RGL1: variants seen among roughly 807,000 people sequenced by gnomAD.
The protein encoded by RGL1 is ral guanine nucleotide dissociation stimulator like 1.
RGL1 carries 24 observed loss-of-function variants against 95.2 expected under a neutral mutation model. The observed-to-expected ratio is 0.25, with a 90% CI of 0.18 to 0.35. The LOEUF (loss-of-function observed/expected upper bound fraction) is 0.35. Among genes scored for constraint, RGL1 ranks in the 10% least tolerant of loss-of-function variants. The pLI is 1.00. For missense variants in RGL1, 715 were observed against 936.3 expected, an observed-to-expected ratio of 0.76 and a Z score of 3.08; for synonymous variants, 329 against 344.9, an observed-to-expected ratio of 0.95 and a Z score of 0.51.
intron 3 of RGL1, among the ~76,000 whole-genome samples, chr1:183,865,700 C>T (rs569718729): frequency 1.3e-5 from 2 of 152,198 alleles, no homozygotes; most frequent in East Asian, 3.9e-4. Flanking sequence ...AGCCGATTCT[C>T]CTGCTGATAG....
At chr1:183,822,373 G>T (rs982853875) in intron 2 of RGL1, among the ~76,000 whole-genome samples, 15 of 151,910 alleles carry the variant, frequency 9.9e-5, no homozygotes, top group Non-Finnish European at 4.4e-5. Flanking sequence ...GAAACTTGTA[G>T]ACTTAGATAG....
upstream of RGL1, among the ~76,000 whole-genome samples, chr1:183,803,124 G>A (rs1261668347): frequency 6.6e-6 from 1 of 152,116 alleles, no homozygotes; most frequent in African/African-American, 2.4e-5. Flanking sequence ...TACATTGTGA[G>A]GTGTAAATAC....
chr1:183,847,278 A>G (rs1664506051), intron 2 of RGL1, among the ~76,000 whole-genome samples: 1 of 152,082 alleles, frequency 6.6e-6, no homozygotes, highest in Non-Finnish European at 1.5e-5. Context: ...GCGAGACACT[A>G]TCTCTACCAA....
At chr1:183,841,266 T>A (rs1341868858) in intron 2 of RGL1, among the ~76,000 whole-genome samples, 1 of 152,112 alleles carries the variant, frequency 6.6e-6, no homozygotes, top group Admixed American at 6.6e-5. Context: ...TTCAGATAAA[T>A]AACAAATAGG....
At chr1:183,642,446 C>T (rs915820549) in intron 1 of RGL1, among the ~76,000 whole-genome samples, 1 of 152,178 alleles carries the variant, frequency 6.6e-6, no homozygotes, top group Non-Finnish European at 1.5e-5. Context: ...TGCATTTAAT[C>T]ACCACTCTCT....
At chr1:183,653,523 A>G (rs1174660) in intron 1 of RGL1, among the ~76,000 whole-genome samples, 45,726 of 152,134 alleles carry the variant, frequency 0.3, 7,278 homozygotes, top group Middle Eastern at 0.38. Context: ...TCAAGTTCTG[A>G]GGGCCTGCTC....
chr1:183,913,563 A>G (rs897400572), intron 15 of RGL1, among the ~76,000 whole-genome samples: 9 of 152,320 alleles, frequency 5.9e-5, no homozygotes, highest in African/African-American at 2.2e-4. Context: ...GTCAACTATG[A>G]CATAACTAGA....
chr1:183,729,892 T>G (rs1656529145), intron 1 of RGL1, among the ~76,000 whole-genome samples: 1 of 152,132 alleles, frequency 6.6e-6, no homozygotes, highest in African/African-American at 2.4e-5. Flanking sequence ...ATATTCAATA[T>G]AAACCTCTAG....
chr1:183,742,918 T>A (rs1558183322), intron 2 of RGL1, among the ~76,000 whole-genome samples: 1 of 152,076 alleles, frequency 6.6e-6, no homozygotes, highest in Non-Finnish European at 1.5e-5. Context: ...GAGAATGGAG[T>A]TATTAACCAG....
At chr1:183,811,286 A>G (rs61660597) in intron 2 of RGL1, among the ~76,000 whole-genome samples, 17,253 of 152,214 alleles carry the variant, frequency 0.11, 1,564 homozygotes, top group East Asian at 0.43. Flanking sequence ...TTGCTGCTGA[A>G]TGTTGAAGAA....
intron 2 of RGL1, among the ~76,000 whole-genome samples, chr1:183,766,792 A>T (rs990229226): frequency 1.4e-5 from 2 of 148,074 alleles, no homozygotes; most frequent in South Asian, 4.3e-4. Context: ...GTGCTCTATC[A>T]TTTTTTTTTT....
intron 1 of RGL1, among the ~76,000 whole-genome samples, chr1:183,707,765 C>T (rs529792502): frequency 4.6e-5 from 7 of 151,150 alleles, no homozygotes; most frequent in Admixed American, 2.6e-4. Flanking sequence ...GGGAAGATGG[C>T]GGCTGAGAAG....
chr1:183,824,331 A>T (rs906778897), intron 2 of RGL1, among the ~76,000 whole-genome samples: 1 of 152,006 alleles, frequency 6.6e-6, no homozygotes, highest in South Asian at 2.1e-4. Context: ...CAGGTTATTT[A>T]TCCGGCCCTG....
chr1:183,702,866 G>T (rs1654684749), intron 1 of RGL1, among the ~76,000 whole-genome samples: 2 of 152,226 alleles, frequency 1.3e-5, no homozygotes, highest in Non-Finnish European at 2.9e-5. Context: ...GTGTGCCTGG[G>T]TGCAGACGGG....
chr1:183,830,888 A>T (rs945524631), intron 2 of RGL1, among the ~76,000 whole-genome samples: 1 of 152,248 alleles, frequency 6.6e-6, no homozygotes, highest in Admixed American at 6.5e-5. Context: ...CAAGGTATCC[A>T]TGGAGTTTCG....
chr1:183,776,150 T>A (rs1469092533), intron 2 of RGL1, among the ~76,000 whole-genome samples: 6 of 143,566 alleles, frequency 4.2e-5, no homozygotes, highest in African/African-American at 1.6e-4. Context: ...GATTTTTTTT[T>A]TTTTTTTTTT....
chr1:183,674,468 G>C (rs1652687052), intron 1 of RGL1, among the ~76,000 whole-genome samples: 1 of 152,062 alleles, frequency 6.6e-6, no homozygotes, highest in African/African-American at 2.4e-5. Flanking sequence ...GGCTCTTGTA[G>C]TCCATGCAAC....
At chr1:183,663,128 T>A (rs1475279476) in intron 1 of RGL1, among the ~76,000 whole-genome samples, 4 of 151,400 alleles carry the variant, frequency 2.6e-5, no homozygotes, top group African/African-American at 4.9e-5. Flanking sequence ...AACCTAGGCA[T>A]TACCATTCAG....
chr1:183,798,726 C>G (rs1037467576), intron 2 of RGL1, among the ~76,000 whole-genome samples: 1 of 151,828 alleles, frequency 6.6e-6, no homozygotes. Flanking sequence ...CACCCCCTCA[C>G]CCTGCCAATC....
Sources: gnomAD v4.1 joint callset for allele counts (sites outside exome capture counted in the v4.1 genomes callset) on GRCh38, gnomAD v4.1.1 for gene constraint, MANE v1.5 for transcripts, NCBI Gene and HGNC (gene_info 2026-07-23, HGNC 2026-07-21) for gene names.